The following PPA2 variants were observed in gnomAD, a reference collection of about 807,000 sequenced individuals.
PPA2 encodes the protein inorganic pyrophosphatase 2, mitochondrial.
PPA2 carries 48 observed loss-of-function variants against 49.5 expected under a neutral mutation model. The ratio of observed to expected loss-of-function variants is 0.97; its 90% CI spans 0.77 to 1.23. The LOEUF (loss-of-function observed/expected upper bound fraction) is 1.23, where lower values mean the gene tolerates loss of function less well. Ranked by LOEUF, PPA2 falls within the 50% of genes most tolerant of loss-of-function variation. The pLI is 0.00. For missense variants in PPA2, 429 were observed against 410.1 expected, an observed-to-expected ratio of 1.05 and a Z score of -0.40; for synonymous variants, 131 against 139.9, an observed-to-expected ratio of 0.94 and a Z score of 0.45.
intron 9 of PPA2, among the ~76,000 whole-genome samples, chr4:105,389,563 AAAC>A (rs1733821349): frequency 6.6e-6 from 1 of 152,048 alleles, no homozygotes; most frequent in South Asian, 2.1e-4. Flanking sequence ...TTGTTGACCA[AAAC>A]AAGCAGATGA....
intron 2 of PPA2, chr4:105,456,288 T>G (rs1179309191): frequency 2.2e-6 from 1 of 461,980 alleles, no homozygotes; most frequent in Non-Finnish European, 4.3e-6. Flanking sequence ...TGAGCCTCAG[T>G]GTCCTTGGAA....
At chr4:105,459,073 G>C (rs975666474) in intron 1 of PPA2, among the ~76,000 whole-genome samples, 1 of 152,086 alleles carries the variant, frequency 6.6e-6, no homozygotes, top group Non-Finnish European at 1.5e-5. Context: ...ATATCTGTTA[G>C]ATAAATGTCT....
At chr4:105,432,108 A>C (rs964527251) in intron 6 of PPA2, among the ~76,000 whole-genome samples, 2 of 152,226 alleles carry the variant, frequency 1.3e-5, no homozygotes, top group African/African-American at 4.8e-5. Context: ...AATTTAAAAA[A>C]TTAATCACAA....
At chr4:105,453,493 G>A in intron 3 of PPA2, 105 bp downstream of exon 3, 3 of 795,044 alleles carry the variant, frequency 3.8e-6, no homozygotes, top group Non-Finnish European at 5.6e-6. Flanking sequence ...TGAAAGTCTT[G>A]CAGGGGTAAA....
chr4:105,466,956 C>T (rs1210692981), intron 1 of PPA2, among the ~76,000 whole-genome samples: 1 of 152,242 alleles, frequency 6.6e-6, no homozygotes, highest in Non-Finnish European at 1.5e-5. Flanking sequence ...AGTGCAAACG[C>T]TTGAGCCCAC....
chr4:105,443,783 T>C (rs1390250869), intron 5 of PPA2, among the ~76,000 whole-genome samples: 1 of 152,154 alleles, frequency 6.6e-6, no homozygotes, highest in Non-Finnish European at 1.5e-5. Flanking sequence ...TCCTTTTTGA[T>C]ACTCACACAT....
At chr4:105,421,159 T>TA (rs1723236336) in intron 7 of PPA2, among the ~76,000 whole-genome samples, 1 of 152,140 alleles carries the variant, frequency 6.6e-6, no homozygotes, top group Admixed American at 6.5e-5. Flanking sequence ...ATATACAACT[T>TA]AGAGTTATTA....
At chr4:105,387,447 C>T (rs1296386534) in intron 9 of PPA2, among the ~76,000 whole-genome samples, 1 of 152,118 alleles carries the variant, frequency 6.6e-6, no homozygotes, top group Non-Finnish European at 1.5e-5. Context: ...CATATTCCCC[C>T]TCAAGTGGAC....
intron 8 of PPA2, 46 bp from the exon 9 acceptor site, chr4:105,396,380 C>A: frequency 1.6e-6 from 2 of 1,272,602 alleles, no homozygotes; most frequent in South Asian, 2.8e-5. Flanking sequence ...TAATATCAGT[C>A]ACATTGTTAC....
At chr4:105,436,279 T>C (rs1463289085) in intron 6 of PPA2, among the ~76,000 whole-genome samples, 1 of 151,644 alleles carries the variant, frequency 6.6e-6, no homozygotes, top group African/African-American at 2.4e-5. Flanking sequence ...GGGTAAAACA[T>C]CTCTGCAAGA....
intron 3 of PPA2, 30 bp from the exon 4 acceptor site, chr4:105,449,433 C>T: frequency 6.9e-7 from 1 of 1,449,034 alleles, no homozygotes; most frequent in Non-Finnish European, 9.5e-7. Context: ...AAAGAGAGAA[C>T]ATTAAAAATT....
chr4:105,422,457 T>C (rs1041798225), intron 7 of PPA2, among the ~76,000 whole-genome samples: 3 of 152,192 alleles, frequency 2.0e-5, no homozygotes, highest in Admixed American at 6.5e-5. Context: ...AGAAATAAAA[T>C]GAATAGAGTT....
At chr4:105,468,904 T>C (rs1006357429) in intron 1 of PPA2, among the ~76,000 whole-genome samples, 1 of 152,188 alleles carries the variant, frequency 6.6e-6, no homozygotes, top group African/African-American at 2.4e-5. Flanking sequence ...CTATCTTATA[T>C]CAACACACCC....
At chr4:105,430,451 A>G (rs1181672936) in intron 6 of PPA2, among the ~76,000 whole-genome samples, 1 of 152,178 alleles carries the variant, frequency 6.6e-6, no homozygotes, top group Non-Finnish European at 1.5e-5. Flanking sequence ...AGAAAGAATG[A>G]ATTGTTCTCA....
intron 1 of PPA2, among the ~76,000 whole-genome samples, chr4:105,469,702 G>A (rs1043545710): frequency 5.3e-5 from 8 of 152,116 alleles, no homozygotes; most frequent in African/African-American, 9.7e-5. Flanking sequence ...TATAGAAAAC[G>A]TTTAAGGTTT....
At chr4:105,416,408 T>C (rs1723011077) in intron 7 of PPA2, among the ~76,000 whole-genome samples, 1 of 152,138 alleles carries the variant, frequency 6.6e-6, no homozygotes, top group East Asian at 1.9e-4. Context: ...TAAAATTTTG[T>C]CCAAAGGGGA....
At chr4:105,396,920 T>G (rs2110391834) in intron 8 of PPA2, among the ~76,000 whole-genome samples, 1 of 152,292 alleles carries the variant, frequency 6.6e-6, no homozygotes. Context: ...AAATGTAGTT[T>G]TTTCAATCGA....
At chr4:105,472,020 A>G (rs1182512234) in intron 1 of PPA2, among the ~76,000 whole-genome samples, 1 of 152,202 alleles carries the variant, frequency 6.6e-6, no homozygotes, top group African/African-American at 2.4e-5. Context: ...CAACAATAAG[A>G]GGCCAACATA....
chr4:105,374,313 A>G (rs1454159852), intron 10 of PPA2, among the ~76,000 whole-genome samples: 2 of 152,162 alleles, frequency 1.3e-5, no homozygotes, highest in African/African-American at 4.8e-5. Context: ...TAATCTTAGC[A>G]CTTTGGGAAG....
Sources: allele counts gnomAD v4.1 joint callset (sites outside exome capture counted in the v4.1 genomes callset), GRCh38; gene constraint gnomAD v4.1.1; transcripts MANE v1.5; gene names NCBI Gene and HGNC (gene_info 2026-07-23, HGNC 2026-07-21).